The following PAPSS1 variants were observed in gnomAD, a reference collection of about 807,000 sequenced individuals.
PAPSS1 encodes the protein bifunctional 3'-phosphoadenosine 5'-phosphosulfate synthase 1.
In PAPSS1, 50 loss-of-function variants were observed where a neutral mutation model predicts 72.0. That is an observed-to-expected ratio of 0.69 (90% confidence interval 0.55 to 0.88). PAPSS1 has a LOEUF of 0.88. Among genes scored for constraint, PAPSS1 ranks in the 40% least tolerant of loss-of-function variants. The probability of loss-of-function intolerance (pLI) is 0.00; values close to 1 mark genes in which losing one functional copy is unlikely to be tolerated. For missense variants in PAPSS1, 657 were observed against 782.2 expected (o/e 0.84, Z 1.91); for synonymous variants, 261 against 263.6 (o/e 0.99, Z 0.09).
intron 5 of PAPSS1, among the ~76,000 whole-genome samples, chr4:107,668,961 A>G (rs1318110626): frequency 2.0e-5 from 3 of 152,142 alleles, no homozygotes; most frequent in African/African-American, 7.2e-5. Flanking sequence ...CTCCAAACAC[A>G]TACTCTAAAG....
chr4:107,709,341 C>T (rs901479568), intron 1 of PAPSS1, among the ~76,000 whole-genome samples: 1 of 152,188 alleles, frequency 6.6e-6, no homozygotes, highest in South Asian at 2.1e-4. Flanking sequence ...TCTAACCAAC[C>T]TCCATCTTGC....
intron 5 of PAPSS1, among the ~76,000 whole-genome samples, chr4:107,666,133 G>C (rs1727311275): frequency 6.6e-6 from 1 of 152,122 alleles, no homozygotes. Flanking sequence ...GCAAAGTCTG[G>C]CTTTTATGTG....
chr4:107,637,029 T>A (rs1353192649), intron 10 of PAPSS1, among the ~76,000 whole-genome samples: 1 of 152,200 alleles, frequency 6.6e-6, no homozygotes, highest in Non-Finnish European at 1.5e-5. Flanking sequence ...AAAAAATTTA[T>A]CTATGAAAAT....
chr4:107,623,129 G>A (rs1245512393), intron 11 of PAPSS1, among the ~76,000 whole-genome samples: 1 of 151,960 alleles, frequency 6.6e-6, no homozygotes, highest in African/African-American at 2.4e-5. Flanking sequence ...CTAAACTTTT[G>A]GGTCACTTTT....
At chr4:107,617,684 G>A (rs1026913858) in intron 11 of PAPSS1, among the ~76,000 whole-genome samples, 1 of 152,032 alleles carries the variant, frequency 6.6e-6, no homozygotes, top group Non-Finnish European at 1.5e-5. Flanking sequence ...ATCTTCTTAG[G>A]TAAAACACAT....
intron 3 of PAPSS1, among the ~76,000 whole-genome samples, chr4:107,689,558 T>A (rs952174099): frequency 1.3e-5 from 2 of 152,212 alleles, no homozygotes; most frequent in Non-Finnish European, 2.9e-5. Context: ...TCATCAGCTT[T>A]ACAAGTTTAG....
chr4:107,653,132 T>TAC (rs1263164863), intron 9 of PAPSS1, among the ~76,000 whole-genome samples: 8 of 101,752 alleles, frequency 7.9e-5, no homozygotes, highest in Admixed American at 5.6e-4. Context: ...CATGAATATA[T>TAC]ATGAATATAT....
chr4:107,617,717 T>C (rs1725858097), intron 11 of PAPSS1, among the ~76,000 whole-genome samples: 1 of 152,132 alleles, frequency 6.6e-6, no homozygotes, highest in Non-Finnish European at 1.5e-5. Context: ...CACCAAATTA[T>C]TAAAGATGAT....
At chr4:107,689,925 T>A (rs1167933647) in intron 3 of PAPSS1, among the ~76,000 whole-genome samples, 1 of 152,140 alleles carries the variant, frequency 6.6e-6, no homozygotes. Flanking sequence ...CATGCTTCAT[T>A]CTGCTCTCCC....
At chr4:107,700,973 A>G (rs1560590031) in intron 2 of PAPSS1, among the ~76,000 whole-genome samples, 198 bp downstream of exon 2, 2 of 151,576 alleles carry the variant, frequency 1.3e-5, no homozygotes, top group Admixed American at 1.3e-4. Context: ...TGTGGTTTTT[A>G]CCTTTATTTA....
At chr4:107,682,567 A>C (rs958835004) in intron 4 of PAPSS1, among the ~76,000 whole-genome samples, 2 of 152,320 alleles carry the variant, frequency 1.3e-5, no homozygotes, top group Admixed American at 1.3e-4. Flanking sequence ...CATAAATATC[A>C]AATCCACAAA....
At chr4:107,667,506 G>A (rs967851086) in intron 5 of PAPSS1, among the ~76,000 whole-genome samples, 4 of 152,124 alleles carry the variant, frequency 2.6e-5, no homozygotes, top group African/African-American at 9.7e-5. Flanking sequence ...GCAGTGTATA[G>A]GAGTGAGCCC....
chr4:107,705,297 G>A (rs1723312965), intron 1 of PAPSS1, among the ~76,000 whole-genome samples: 1 of 152,206 alleles, frequency 6.6e-6, no homozygotes, highest in Non-Finnish European at 1.5e-5. Context: ...TGTGTGGAGG[G>A]AGCGACATGG....
At chr4:107,683,963 C>T (rs984854503) in intron 4 of PAPSS1, among the ~76,000 whole-genome samples, 5 of 111,874 alleles carry the variant, frequency 4.5e-5, no homozygotes, top group African/African-American at 1.3e-4. Flanking sequence ...TGTATGCATA[C>T]AGACACACAC....
intron 10 of PAPSS1, among the ~76,000 whole-genome samples, chr4:107,632,325 C>A (rs1166223088): frequency 1.3e-5 from 2 of 151,822 alleles, no homozygotes; most frequent in Non-Finnish European, 2.9e-5. Flanking sequence ...GGTGTGCTCA[C>A]TGTAAAAGTT....
intron 11 of PAPSS1, among the ~76,000 whole-genome samples, chr4:107,615,325 A>T (rs1725792197): frequency 6.6e-6 from 1 of 152,180 alleles, no homozygotes; most frequent in South Asian, 2.1e-4. Flanking sequence ...CTCAGCAAGC[A>T]TTCAGAGTCG....
chr4:107,715,403 C>T (rs1723606705), intron 1 of PAPSS1, among the ~76,000 whole-genome samples: 1 of 152,130 alleles, frequency 6.6e-6, no homozygotes, highest in Non-Finnish European at 1.5e-5. Flanking sequence ...AAATAAAAGA[C>T]CAATGCCTGC....
At chr4:107,618,859 T>C (rs1320696562) in intron 11 of PAPSS1, among the ~76,000 whole-genome samples, 1 of 152,110 alleles carries the variant, frequency 6.6e-6, no homozygotes, top group African/African-American at 2.4e-5. Flanking sequence ...GGGGTCCAGA[T>C]AGCTTTCCAA....
intron 10 of PAPSS1, among the ~76,000 whole-genome samples, chr4:107,636,477 G>A (rs995226111): frequency 3.3e-5 from 5 of 152,110 alleles, no homozygotes; most frequent in African/African-American, 4.8e-5. Context: ...CGTTGAATTC[G>A]CTTACTAGTG....
Sources: gnomAD v4.1 joint callset for allele counts (sites outside exome capture counted in the v4.1 genomes callset) on GRCh38, gnomAD v4.1.1 for gene constraint, MANE v1.5 for transcripts, NCBI Gene and HGNC (gene_info 2026-07-23, HGNC 2026-07-21) for gene names.